Variants in MANBA observed in about 807,000 individuals in gnomAD.
The protein encoded by MANBA is beta-mannosidase.
Under a neutral mutation model 111.1 loss-of-function variants are expected in MANBA, and 83 were observed. The observed-to-expected ratio is 0.75, with a 90% confidence interval of 0.63 to 0.90. The LOEUF is 0.90. MANBA is among the 40% of genes least tolerant of loss of function. MANBA has a pLI of 0.00. For missense variants in MANBA, 1,036 were observed against 1,069.0 expected (o/e 0.97, Z 0.43); for synonymous variants, 370 against 378.7 (o/e 0.98, Z 0.27).
chr4:102,671,090 T>C (rs1198530822), intron 9 of MANBA, 191 bp downstream of exon 9: 1 of 509,214 alleles, frequency 2.0e-6, no homozygotes, highest in Non-Finnish European at 3.6e-6. Flanking sequence ...ATATCTATCA[T>C]TTAAAAATAA....
chr4:102,637,919 A>G (rs1729700638), intron 14 of MANBA, among the ~76,000 whole-genome samples: 1 of 152,162 alleles, frequency 6.6e-6, no homozygotes, highest in Non-Finnish European at 1.5e-5. Context: ...ACTGCTGTCT[A>G]AAGAGGGAAG....
At chr4:102,672,858 C>G (rs989549948) in intron 8 of MANBA, among the ~76,000 whole-genome samples, 5 of 152,152 alleles carry the variant, frequency 3.3e-5, no homozygotes, top group Admixed American at 6.5e-5. Flanking sequence ...TCCCCCACCC[C>G]CAATCTGTAG....
chr4:102,665,091 T>C, intron 10 of MANBA: 1 of 483,910 alleles, frequency 2.1e-6, no homozygotes, highest in South Asian at 2.3e-5. Flanking sequence ...CTCTGCTATA[T>C]AAAAACTGAA....
intron 1 of MANBA, chr4:102,751,788 A>G: frequency 1.9e-6 from 1 of 520,780 alleles, no homozygotes; most frequent in South Asian, 1.4e-5. Flanking sequence ...CTTGGAAAGA[A>G]AGTCAATAAT....
At chr4:102,666,665 A>T (rs1731240828) in intron 10 of MANBA, 1 of 152,276 alleles carries the variant, frequency 6.6e-6, no homozygotes, top group African/African-American at 2.4e-5. Context: ...CCGCATTAAG[A>T]GGATCTTACA....
chr4:102,659,492 A>G (rs952332057), intron 11 of MANBA, among the ~76,000 whole-genome samples: 4 of 152,080 alleles, frequency 2.6e-5, no homozygotes, highest in African/African-American at 7.2e-5. Flanking sequence ...TGTTCTGGTC[A>G]TCTTTCTAGT....
chr4:102,667,827 T>C (rs1731295060), intron 10 of MANBA: 1 of 152,226 alleles, frequency 6.6e-6, no homozygotes, highest in African/African-American at 2.4e-5. Context: ...TACCTGAGGT[T>C]ACCGAGAAAA....
At chr4:102,685,585 C>G (rs1422936228) in intron 7 of MANBA, among the ~76,000 whole-genome samples, 1 of 152,096 alleles carries the variant, frequency 6.6e-6, no homozygotes, top group East Asian at 1.9e-4. Context: ...AGACCTTGCC[C>G]TCTCAACTAC....
At chr4:102,739,209 T>C (rs182120404) in intron 1 of MANBA, among the ~76,000 whole-genome samples, 25 of 151,950 alleles carry the variant, frequency 1.6e-4, no homozygotes, top group Admixed American at 4.6e-4. Flanking sequence ...CTAGAGGAAA[T>C]GGATAAATTC....
intron 1 of MANBA, chr4:102,730,483 G>T: frequency 3.8e-6 from 2 of 521,806 alleles, no homozygotes; most frequent in Non-Finnish European, 7.5e-6. Context: ...GCGGTTCCTG[G>T]GGCAGCTCGT....
chr4:102,721,273 G>A (rs780298674), intron 4 of MANBA, among the ~76,000 whole-genome samples: 1 of 152,112 alleles, frequency 6.6e-6, no homozygotes, highest in African/African-American at 2.4e-5. Flanking sequence ...GCAGTGAGCC[G>A]AGATCTCGCT....
chr4:102,726,719 A>C (rs1323651176), intron 1 of MANBA, 36 bp from the exon 2 acceptor site: 1 of 882,236 alleles, frequency 1.1e-6, no homozygotes, highest in South Asian at 1.4e-5. Flanking sequence ...GTAGATGGTT[A>C]AATATGCACA....
At position 102,746,712 on chromosome 4, in the gene MANBA, A is replaced by T. The variant is rs140036936; in HGVS notation, c.177+14006T>A. Among the ~76,000 whole-genome samples, 540 of 152,290 alleles carry T rather than the reference A, an allele frequency of 3.5e-3. 6 individuals carry two copies. The highest frequency in any genetic ancestry group is 0.012 in the African/African-American group (514 of 41,570). ...CTTAGGCCGGGCACTGTGGCTCACG[A>T]CTGTCATCCCAGCACTTTGGCAGGC... On this transcript the variant is annotated intron_variant, in intron 1 of 16. Transcript: ENST00000647097.
intron 1 of MANBA, chr4:102,729,981 G>A (rs1722968488): frequency 2.2e-6 from 2 of 929,942 alleles, no homozygotes; most frequent in Admixed American, 1.7e-5. Flanking sequence ...TGTGATGGTG[G>A]TGATGCCACC....
intron 1 of MANBA, among the ~76,000 whole-genome samples, chr4:102,747,513 A>T (rs1048902943): frequency 6.6e-6 from 1 of 152,214 alleles, no homozygotes; most frequent in Non-Finnish European, 1.5e-5. Context: ...ACCCAGGATT[A>T]GTACTTCGTA....
At chr4:102,673,186 A>C (rs1318225260) in intron 8 of MANBA, among the ~76,000 whole-genome samples, 1 of 152,182 alleles carries the variant, frequency 6.6e-6, no homozygotes, top group Non-Finnish European at 1.5e-5. Flanking sequence ...ATAAAAGTAA[A>C]AGAATATGCA....
intron 12 of MANBA, among the ~76,000 whole-genome samples, chr4:102,656,750 T>TA (rs753538710): frequency 2.0e-5 from 3 of 150,874 alleles, no homozygotes; most frequent in Admixed American, 6.6e-5. Context: ...TATTCAGCAA[T>TA]AAAAAAAAGG....
intron 1 of MANBA, among the ~76,000 whole-genome samples, chr4:102,731,744 A>T (rs1266815780): frequency 6.6e-6 from 1 of 151,844 alleles, no homozygotes; most frequent in East Asian, 1.9e-4. Context: ...CGAGGTCTAA[A>T]ATATTTAGTA....
intron 4 of MANBA, among the ~76,000 whole-genome samples, chr4:102,720,833 G>A (rs1056692278): frequency 6.6e-6 from 1 of 152,132 alleles, no homozygotes; most frequent in Non-Finnish European, 1.5e-5. Flanking sequence ...CACAAGTTTA[G>A]GTAGGTTGAA....
Sources: allele counts gnomAD v4.1 joint callset (sites outside exome capture counted in the v4.1 genomes callset), GRCh38; gene constraint gnomAD v4.1.1; transcripts MANE v1.5; gene names NCBI Gene and HGNC (gene_info 2026-07-23, HGNC 2026-07-21).